FUT8: variants seen among roughly 807,000 people sequenced by gnomAD.
FUT8 encodes the protein fucosyltransferase 8.
FUT8 carries 29 observed loss-of-function variants against 71.3 expected under a neutral mutation model. The ratio of observed to expected loss-of-function variants is 0.41; its 90% CI spans 0.30 to 0.55. The LOEUF is 0.55. Ranked by LOEUF, FUT8 falls within the 20% of genes least tolerant of loss-of-function variation. FUT8 has a pLI of 0.34. For synonymous variants in FUT8, 254 were observed against 239.3 expected (o/e 1.06, Z -0.57); for missense variants, 544 against 702.1 (o/e 0.77, Z 2.55).
In FUT8 at chr14:65,742,200, T is replaced by A. The variant is rs753437312; in HGVS notation, c.1518T>A (p.Asn506Lys). The change falls in exon 11 of 11, where the codon AAT becomes AAA. Residue 506 changes from asparagine to lysine, a missense_variant. Transcript: ENST00000673929. ...IYYFGGQNAH[N>K]QIAIYAHQPR... Reference sequence around the variant, plus strand: ...ATTTTGGGGGCCAGAATGCCCACAATCAAATTGCCATTTATGCTCACCAAC... The same window carrying A: ...ATTTTGGGGGCCAGAATGCCCACAAACAAATTGCCATTTATGCTCACCAAC... 3 of 1,613,212 alleles carry A rather than the reference T, an allele frequency of 1.9e-6. No individual in the cohort carries two copies. The highest frequency in any genetic ancestry group is 2.5e-6 in the Non-Finnish European group (3 of 1,179,454).
chr14:65,686,541 G>A (rs989236155), intron 7 of FUT8, among the ~76,000 whole-genome samples: 9 of 152,318 alleles, frequency 5.9e-5, no homozygotes, highest in Admixed American at 4.6e-4. Context: ...CATTCTCAAT[G>A]AAGGATTAAA....
At chr14:65,410,421 G>A (rs138830808), upstream of FUT8, among the ~76,000 whole-genome samples, 187 of 152,294 alleles carry the variant, frequency 1.2e-3, no homozygotes, top group African/African-American at 4.2e-3. Context: ...CACAGGTGGA[G>A]AAGCACATTG....
intron 2 of FUT8, among the ~76,000 whole-genome samples, chr14:65,539,285 TC>T (rs1884535719): frequency 6.6e-6 from 1 of 152,218 alleles, no homozygotes; most frequent in African/African-American, 2.4e-5. Flanking sequence ...GGTAGTGTGT[TC>T]CCTTGTAACT....
intron 3 of FUT8, among the ~76,000 whole-genome samples, chr14:65,598,949 C>T (rs745625420): frequency 5.3e-5 from 8 of 152,044 alleles, no homozygotes; most frequent in Non-Finnish European, 1.2e-4. Context: ...CACCACCACG[C>T]CTGGCTAATT....
At chr14:65,409,576 C>T (rs2065102278), upstream of FUT8, among the ~76,000 whole-genome samples, 1 of 152,208 alleles carries the variant, frequency 6.6e-6, no homozygotes, top group Admixed American at 6.5e-5. This position sits in a 1 kb window ranked among gnomAD's most constrained non-coding sequence, Gnocchi z 5.4. Flanking sequence ...ATGTTCACAA[C>T]TTAGGAAATG....
chr14:65,438,883 A>G (rs1414463104), intron 1 of FUT8, among the ~76,000 whole-genome samples: 1 of 152,204 alleles, frequency 6.6e-6, no homozygotes, highest in Non-Finnish European at 1.5e-5. Context: ...GTTATGTAGC[A>G]CCTGAAATTT....
At chr14:65,647,383 T>G (rs1891170280) in intron 6 of FUT8, among the ~76,000 whole-genome samples, 1 of 152,224 alleles carries the variant, frequency 6.6e-6, no homozygotes, top group African/African-American at 2.4e-5. Context: ...GATGCAGGTG[T>G]TGTAATGTTC....
At chr14:65,490,111 C>T (rs2066461959) in intron 2 of FUT8, among the ~76,000 whole-genome samples, 1 of 152,032 alleles carries the variant, frequency 6.6e-6, no homozygotes, top group Non-Finnish European at 1.5e-5. Flanking sequence ...AGCTTCAGAA[C>T]AGCTGTAATT....
chr14:65,653,059 G>T (rs1891486873), intron 6 of FUT8, among the ~76,000 whole-genome samples: 1 of 152,136 alleles, frequency 6.6e-6, no homozygotes, highest in Admixed American at 6.5e-5. Context: ...GTGTGTCCTT[G>T]ATATAACCTA....
chr14:65,739,316 A>G (rs1260258079), intron 10 of FUT8, among the ~76,000 whole-genome samples: 1 of 152,036 alleles, frequency 6.6e-6, no homozygotes, highest in Non-Finnish European at 1.5e-5. Context: ...CACATTTGTC[A>G]TTTTTATAAT....
chr14:65,724,988 C>T (rs541562242), intron 9 of FUT8, among the ~76,000 whole-genome samples: 18 of 152,218 alleles, frequency 1.2e-4, no homozygotes, highest in South Asian at 4.2e-4. Flanking sequence ...CGAATGTAAA[C>T]GTTCAGTCGA....
chr14:65,613,568 A>G (rs1209418096), intron 3 of FUT8, among the ~76,000 whole-genome samples: 1 of 152,140 alleles, frequency 6.6e-6, no homozygotes, highest in Non-Finnish European at 1.5e-5. Context: ...TTTCATTCAT[A>G]TTCTGTAGCC....
intron 3 of FUT8, among the ~76,000 whole-genome samples, chr14:65,582,564 G>A (rs569765960): frequency 2.0e-5 from 3 of 152,080 alleles, no homozygotes; most frequent in African/African-American, 7.2e-5. Flanking sequence ...CAACCTAAGC[G>A]TGTCTTCTTC....
At chr14:65,454,724 G>A (rs569618549) in intron 1 of FUT8, among the ~76,000 whole-genome samples, 4 of 152,278 alleles carry the variant, frequency 2.6e-5, no homozygotes, top group African/African-American at 9.6e-5. Flanking sequence ...AATATATTGT[G>A]TCTTTGTACT....
intron 6 of FUT8, among the ~76,000 whole-genome samples, chr14:65,630,215 A>G (rs1890112279): frequency 6.6e-6 from 1 of 152,194 alleles, no homozygotes; most frequent in South Asian, 2.1e-4. Flanking sequence ...TTTATGGTAC[A>G]TAGGCAGTAA....
intron 7 of FUT8, among the ~76,000 whole-genome samples, chr14:65,687,379 G>C (rs1211195256): frequency 6.6e-6 from 1 of 151,972 alleles, no homozygotes; most frequent in Admixed American, 6.6e-5. Context: ...GTAGTGTTAG[G>C]GATCAGAATT....
chr14:65,555,514 C>T (rs985606801), intron 2 of FUT8, among the ~76,000 whole-genome samples: 1 of 152,170 alleles, frequency 6.6e-6, no homozygotes, highest in Non-Finnish European at 1.5e-5. Flanking sequence ...TCTACCTCCT[C>T]TTTAGTATAA....
At chr14:65,685,537 T>C (rs1156563875) in intron 7 of FUT8, among the ~76,000 whole-genome samples, 1 of 152,084 alleles carries the variant, frequency 6.6e-6, no homozygotes, top group Non-Finnish European at 1.5e-5. Flanking sequence ...GGCAAGTCCA[T>C]AGAGTAAAGT....
chr14:65,696,913 A>G (rs1894024997), intron 7 of FUT8, among the ~76,000 whole-genome samples: 1 of 151,816 alleles, frequency 6.6e-6, no homozygotes, highest in South Asian at 2.1e-4. Flanking sequence ...TTTTCCTTGG[A>G]GTTTCCATCT....
Sources: allele counts gnomAD v4.1 joint callset (sites outside exome capture counted in the v4.1 genomes callset), GRCh38; gene constraint gnomAD v4.1.1; non-coding constraint Gnocchi (gnomAD v3.1); transcripts MANE v1.5; gene names NCBI Gene and HGNC (gene_info 2026-07-23, HGNC 2026-07-21).